AKR1C8: variants seen among roughly 807,000 people sequenced by gnomAD.
AKR1C8 encodes the protein aldo-keto reductase family 1 member C-like protein 1.
At chr10:5,119,648 C>T in the AKR1C8 span, among the ~76,000 whole-genome samples, 1 of 152,088 alleles carries the variant, frequency 6.6e-6, no homozygotes, top group Non-Finnish European at 1.5e-5. Context: ...AAGTGAAAGG[C>T]AGGCGAACAG....
chr10:5,154,280 C>A, the AKR1C8 span: 1 of 449,522 alleles, frequency 2.2e-6, no homozygotes, highest in South Asian at 1.7e-5. Context: ...CCCGAATTTA[C>A]CACCACGTCC....
chr10:5,172,966 C>A, the AKR1C8 span, among the ~76,000 whole-genome samples: 2 of 151,936 alleles, frequency 1.3e-5, no homozygotes, highest in Admixed American at 1.3e-4. Flanking sequence ...GCTAGGAAAA[C>A]AATTTTTAGG....
At chr10:5,139,532 C>G in the AKR1C8 span, among the ~76,000 whole-genome samples, 19 of 152,104 alleles carry the variant, frequency 1.2e-4, no homozygotes, top group Non-Finnish European at 2.1e-4. Context: ...ATAAACCTGA[C>G]AAAAACAAGA....
the AKR1C8 span, among the ~76,000 whole-genome samples, chr10:5,145,141 G>T: frequency 6.6e-6 from 1 of 151,982 alleles, no homozygotes; most frequent in Non-Finnish European, 1.5e-5. Flanking sequence ...TGTGGTTTTT[G>T]TCTTTGGCTC....
chr10:5,183,772 A>G, the AKR1C8 span, among the ~76,000 whole-genome samples: 828 of 152,270 alleles, frequency 5.4e-3, 8 homozygotes, highest in African/African-American at 0.019. Context: ...AAATCAGACT[A>G]CACACACAGA....
chr10:5,149,440 G>C, the AKR1C8 span, among the ~76,000 whole-genome samples: 1 of 152,090 alleles, frequency 6.6e-6, no homozygotes, highest in Non-Finnish European at 1.5e-5. Flanking sequence ...CTATTTAAAA[G>C]ACTCTCAGAT....
chr10:5,144,355 G>A, the AKR1C8 span, among the ~76,000 whole-genome samples: 17 of 152,124 alleles, frequency 1.1e-4, no homozygotes, highest in East Asian at 3.9e-4. Flanking sequence ...TTGGCGATGC[G>A]GGCTCTTTTT....
chr10:5,170,607 G>T, the AKR1C8 span, among the ~76,000 whole-genome samples: 1 of 152,034 alleles, frequency 6.6e-6, no homozygotes, highest in African/African-American at 2.4e-5. Context: ...ATAACTTAGG[G>T]TTCCTGGCCT....
the AKR1C8 span, among the ~76,000 whole-genome samples, chr10:5,120,316 CT>C: frequency 1.3e-5 from 2 of 152,138 alleles, no homozygotes; most frequent in Non-Finnish European, 2.9e-5. Context: ...TGTCAGCCCC[CT>C]GATTACCACT....
chr10:5,143,361 G>A, the AKR1C8 span, among the ~76,000 whole-genome samples: 1 of 152,060 alleles, frequency 6.6e-6, no homozygotes, highest in Non-Finnish European at 1.5e-5. Flanking sequence ...AGAACTCCAG[G>A]CCTTCTGATC....
the AKR1C8 span, chr10:5,163,124 C>T: frequency 2.4e-6 from 1 of 416,284 alleles, no homozygotes; most frequent in Non-Finnish European, 4.9e-6. Flanking sequence ...GCCGCCTCCT[C>T]CAATTTTGAT....
At chr10:5,130,808 G>A in the AKR1C8 span, among the ~76,000 whole-genome samples, 3 of 151,836 alleles carry the variant, frequency 2.0e-5, no homozygotes, top group South Asian at 2.1e-4. Context: ...AACATCCCAT[G>A]CTTACAGATA....
the AKR1C8 span, among the ~76,000 whole-genome samples, chr10:5,161,535 C>T: frequency 9.5e-4 from 144 of 152,216 alleles, 1 homozygote; most frequent in East Asian, 0.017. Context: ...CTTGAAGATC[C>T]TAATGGCTCA....
chr10:5,172,714 T>A, the AKR1C8 span, among the ~76,000 whole-genome samples: 1 of 152,170 alleles, frequency 6.6e-6, no homozygotes, highest in Admixed American at 6.6e-5. Context: ...TTTACTGTAC[T>A]GGTAAGTTTC....
the AKR1C8 span, among the ~76,000 whole-genome samples, chr10:5,145,880 T>C: frequency 1.3e-5 from 2 of 152,272 alleles, no homozygotes; most frequent in East Asian, 1.9e-4. Context: ...ATCATGCTGC[T>C]ATAAAGACAC....
At chr10:5,121,651 A>G in the AKR1C8 span, among the ~76,000 whole-genome samples, 1 of 152,028 alleles carries the variant, frequency 6.6e-6, no homozygotes, top group Non-Finnish European at 1.5e-5. Flanking sequence ...ACCTGGGCCC[A>G]TCTCCATAAA....
At chr10:5,172,067 G>A in the AKR1C8 span, among the ~76,000 whole-genome samples, 1 of 152,000 alleles carries the variant, frequency 6.6e-6, no homozygotes, top group Non-Finnish European at 1.5e-5. Flanking sequence ...CCAGACAGAA[G>A]CGCAGATAAG....
At chr10:5,179,566 CAG>C in the AKR1C8 span, among the ~76,000 whole-genome samples, 1 of 151,426 alleles carries the variant, frequency 6.6e-6, no homozygotes, top group African/African-American at 2.4e-5. Context: ...TAATATCCTG[CAG>C]AGGGTTTTCC....
chr10:5,136,575 T>C, the AKR1C8 span, among the ~76,000 whole-genome samples: 5 of 152,214 alleles, frequency 3.3e-5, no homozygotes, highest in Non-Finnish European at 5.9e-5. Flanking sequence ...CTGTTGTTTT[T>C]TGACATTTTA....
Sources: allele counts gnomAD v4.1 joint callset (sites outside exome capture counted in the v4.1 genomes callset), GRCh38; gene constraint gnomAD v4.1.1; transcripts MANE v1.5; gene names NCBI Gene and HGNC (gene_info 2026-07-23, HGNC 2026-07-21).